The following UGT2A3 variants were observed in gnomAD, a reference collection of about 807,000 sequenced individuals.
The protein encoded by UGT2A3 is UDP glucuronosyltransferase family 2 member A3, also known as UDP-glucuronosyltransferase 2A3.
Under a neutral mutation model 44.1 loss-of-function variants are expected in UGT2A3, and 55 were observed. The observed-to-expected ratio is 1.25, with a 90% CI of 1.00 to 1.56. UGT2A3 has a LOEUF of 1.56. Among genes scored for constraint, UGT2A3 ranks in the 40% most tolerant of loss-of-function variants. The probability of loss-of-function intolerance (pLI) is 0.00; values close to 1 mark genes in which losing one functional copy is unlikely to be tolerated. For synonymous variants in UGT2A3, 243 were observed against 215.1 expected (o/e 1.13, Z -1.13); for missense variants, 733 against 621.6 (o/e 1.18, Z -1.91).
In UGT2A3 at chr4:68,931,222, T is replaced by C; in HGVS notation, c.1017A>G (p.Gly339=). 6.8e-6 allele frequency: 11 copies of C among 1,612,948 alleles called. No individual in the cohort carries two copies. In the African/African-American group the frequency reaches 1.2e-4, roughly 18 times the overall value. The change falls in exon 4 of 6, where the codon GGA becomes GGG. Residue 339 remains glycine (G), a synonymous_variant. Coordinates refer to ENST00000251566, the MANE Select transcript of UGT2A3 (RefSeq NM_024743.4). ...IPQKVLWRYK[G]KKPSTLGANT... is the part of the protein sequence containing the mutation. Reference sequence around the variant, plus strand: ...TGGCTCCTAATGTGGATGGTTTTTTTCCTTTGTACCTCCATAACACCTACG... The same window carrying C: ...TGGCTCCTAATGTGGATGGTTTTTTCCCTTTGTACCTCCATAACACCTACG...
intron 2 of UGT2A3, among the ~76,000 whole-genome samples, chr4:68,942,780 A>T (rs1280821835): frequency 1.3e-5 from 2 of 151,538 alleles, no homozygotes; most frequent in Non-Finnish European, 3.0e-5. Context: ...GCAATGAGAA[A>T]TGGTGGATCA....
intron 2 of UGT2A3, among the ~76,000 whole-genome samples, chr4:68,934,093 A>C (rs1172097291): frequency 2.0e-5 from 3 of 152,012 alleles, no homozygotes; most frequent in Non-Finnish European, 4.4e-5. Flanking sequence ...TAAACCAATA[A>C]AATTTCAATA....
intron 2 of UGT2A3, among the ~76,000 whole-genome samples, chr4:68,941,360 G>A (rs1419547702): frequency 6.6e-6 from 1 of 151,792 alleles, no homozygotes; most frequent in Non-Finnish European, 1.5e-5. Flanking sequence ...ACTGACTTTT[G>A]ACAAAGGTGC....
At chr4:68,945,638 AAAG>A (rs769380466) in intron 1 of UGT2A3, among the ~76,000 whole-genome samples, 184 bp from the exon 2 acceptor site, 2 of 151,094 alleles carry the variant, frequency 1.3e-5, no homozygotes, top group African/African-American at 2.4e-5. Context: ...AGAAAGGAAA[AAAG>A]AAGGAAGGAC....
rs1439385619 is a variant in UGT2A3 at position 68,930,747 on chromosome 4, G to T, written c.1103C>A (p.Ala368Asp). 4 of 1,599,710 alleles carry T rather than the reference G, an allele frequency of 2.5e-6. No individual in the cohort carries two copies. The highest frequency in any genetic ancestry group is 3.5e-5 in the Admixed American group (2 of 56,720). Residue 368 changes from alanine (A) to aspartate (D), a missense_variant, in exon 5 of 6, where the codon GCT (alanine) becomes GAT (aspartate). By Grantham distance (126) the Ala-to-Asp change is moderately radical. Transcript: ENST00000251566. ...NDLLGHPKTK[A>D]FITHGGMNGI... ...ATTCATTCCACCATGAGTGATAAAA[G>T]CTTTGGTTTTGGGATGACCTAGTAT...
chr4:68,945,873 T>G (rs1718368419), intron 1 of UGT2A3, among the ~76,000 whole-genome samples: 1 of 151,706 alleles, frequency 6.6e-6, no homozygotes, highest in Non-Finnish European at 1.5e-5. Context: ...AGATGATAAA[T>G]GAGTACCACA....
intron 1 of UGT2A3, among the ~76,000 whole-genome samples, chr4:68,947,397 T>A (rs925243326): frequency 5.3e-5 from 8 of 151,900 alleles, no homozygotes; most frequent in Non-Finnish European, 4.4e-5. Context: ...ATTATAGCAA[T>A]TTAGACAAAC....
Position 68,945,221 on chromosome 4 carries a change from C to T in UGT2A3, c.864+85G>A. 4.7e-6 allele frequency: 7 copies of T among 1,502,304 alleles called. No individual in the cohort carries two copies. The East Asian group carries it at 1.2e-4, about 25-fold the overall frequency. 93.1% of individuals were successfully genotyped at this position (1,502,304 alleles called of 1,614,324 possible). A position where few individuals can be genotyped will look rare whatever the true frequency, so the allele number is the denominator to read the frequency against. Reference sequence around the variant, plus strand: ...GCAAACAGAAGACATTCAACATCATCCTTCTATAACTAAGGTTGTAATCTT... The same window carrying T: ...GCAAACAGAAGACATTCAACATCATTCTTCTATAACTAAGGTTGTAATCTT... On this transcript the variant is annotated intron_variant, in intron 2 of 5. Coordinates refer to ENST00000251566, the MANE Select transcript of UGT2A3 (RefSeq NM_024743.4).
chr4:68,928,567 A>G lies in UGT2A3; in HGVS notation c.*1246T>C, dbSNP rs954416275. 9.9e-5 allele frequency: 15 copies of G among 152,054 alleles called. No individual in the cohort carries two copies. The highest frequency in any genetic ancestry group is 3.4e-4 in the African/African-American group (14 of 41,444). 9.4% of individuals were successfully genotyped at this position (152,054 alleles called of 1,614,324 possible). Reference sequence around the variant, plus strand: ...CATTTTAAAATTGAAATTAATTTGTAGATATACCTAATCAACATCTGTAAG... The same window carrying G: ...CATTTTAAAATTGAAATTAATTTGTGGATATACCTAATCAACATCTGTAAG... On this transcript the variant is annotated 3_prime_UTR_variant, in exon 6 of 6. Coordinates refer to ENST00000251566, the MANE Select transcript of UGT2A3 (RefSeq NM_024743.4).
At chr4:68,947,125 CAT>C (rs1259124684) in intron 1 of UGT2A3, among the ~76,000 whole-genome samples, 1 of 151,676 alleles carries the variant, frequency 6.6e-6, no homozygotes, top group Non-Finnish European at 1.5e-5. Flanking sequence ...TTCTCTGTAG[CAT>C]ATGATGATGT....
Position 68,951,640 on chromosome 4 carries a change from C to A in UGT2A3, c.121G>T (p.Val41Phe). 1 of 1,612,662 alleles carries A rather than the reference C, an allele frequency of 6.2e-7. No homozygotes were observed. The highest frequency in any genetic ancestry group is 1.1e-5 in the South Asian group (1 of 91,046). Residue 41 changes from valine to phenylalanine, a missense_variant, in exon 1 of 6, where the codon GTC becomes TTC. By Grantham distance (50) the Val-to-Phe change is conservative. Transcript: ENST00000251566. ...CDMSHWLNVK[V>F]ILEELIVRGH... ...CTCACTATGAGCTCTTCTAGAATGA[C>A]CTTGACATTAAGCCAATGGCTCATG... is the stretch of plus-strand genomic sequence containing the variant.
intron 2 of UGT2A3, among the ~76,000 whole-genome samples, chr4:68,942,653 A>T (rs1718243490): frequency 6.6e-6 from 1 of 151,020 alleles, no homozygotes; most frequent in Non-Finnish European, 1.5e-5. Context: ...ATGTTAACTG[A>T]AATAATCCAG....
At chr4:68,933,192 C>T (rs970895270) in intron 2 of UGT2A3, among the ~76,000 whole-genome samples, 11 of 152,136 alleles carry the variant, frequency 7.2e-5, no homozygotes, top group African/African-American at 2.6e-4. Flanking sequence ...AAAAATACCA[C>T]TCTGAAAGCA....
At chr4:68,946,849 G>A (rs1427826936) in intron 1 of UGT2A3, among the ~76,000 whole-genome samples, 3 of 151,644 alleles carry the variant, frequency 2.0e-5, no homozygotes, top group African/African-American at 7.3e-5. Flanking sequence ...ACATATAAAA[G>A]TTATGTTAAC....
At position 68,929,973 on chromosome 4, in the gene UGT2A3, C is replaced by T. The variant is rs369449006; in HGVS notation, c.1424G>A (p.Arg475Gln). ...CCAGGTGAGGTCATGGGCAGCTGAT[C>T]GCAGGTGCTTGGCTCCTTTGTGGCG... is the stretch of plus-strand genomic sequence containing the variant. ...VMRHKGAKHL[R>Q]SAAHDLTWFQ... The change falls in exon 6 of 6, where the codon CGA becomes CAA. Residue 475 changes from arginine (R) to glutamine (Q), a missense_variant. Physicochemically the swap from Arg to Gln is conservative, Grantham distance 43 (BLOSUM62 1). Transcript: ENST00000251566. The T allele has an allele frequency of 1.7e-5, 27 of 1,613,502 alleles. No homozygotes were observed. Among genetic ancestry groups the T allele is most frequent in the African/African-American group, 1.2e-4 (9 of 74,874 alleles).
At chr4:68,930,851 G>A in intron 4 of UGT2A3, 86 bp from the exon 5 acceptor site, 1 of 1,174,372 alleles carries the variant, frequency 8.5e-7, no homozygotes, top group African/African-American at 1.6e-5. Context: ...GGAATTACGA[G>A]ATAACTCACT....
rs546017209 is a variant in UGT2A3 at position 68,951,680 on chromosome 4, C to A, written c.81G>T (p.Leu27=). 6.2e-7 allele frequency: 1 copy of A among 1,611,782 alleles called. No individual in the cohort carries two copies. Among genetic ancestry groups the A allele is most frequent in the Non-Finnish European group, 8.5e-7 (1 of 1,179,222 alleles). ...AATGGCTCATGTCACAGGGCCACACCAGGACTTTCCCACAGAATCCACAGC... is the reference window on the plus strand; with the variant it reads ...AATGGCTCATGTCACAGGGCCACACAAGGACTTTCCCACAGAATCCACAGC... ...CVGCGFCGKV[L]VWPCDMSHWL... is the part of the protein sequence containing the mutation. Residue 27 remains leucine, a synonymous_variant, in exon 1 of 6, where the codon CTG becomes CTT. Transcript: ENST00000251566.
intron 2 of UGT2A3, among the ~76,000 whole-genome samples, chr4:68,939,966 A>C (rs1315029003): frequency 6.6e-6 from 1 of 152,226 alleles, no homozygotes; most frequent in Non-Finnish European, 1.5e-5. Context: ...ATCACTGGTC[A>C]TCAGAGAAAT....
chr4:68,935,153 C>T (rs1024637537), intron 2 of UGT2A3, among the ~76,000 whole-genome samples: 2 of 151,018 alleles, frequency 1.3e-5, no homozygotes, highest in Non-Finnish European at 1.5e-5. Flanking sequence ...ATTAATAACA[C>T]TTTTTCTCAC....
Sources: gnomAD v4.1 joint callset for allele counts (sites outside exome capture counted in the v4.1 genomes callset) on GRCh38, gnomAD v4.1.1 for gene constraint, MANE v1.5 for transcripts, NCBI Gene and HGNC (gene_info 2026-07-23, HGNC 2026-07-21) for gene names.